Variants in ARHGAP26 observed in about 807,000 individuals in gnomAD.
ARHGAP26 encodes the protein Rho GTPase activating protein 26.
A neutral mutation model predicts 104.8 loss-of-function variants in ARHGAP26; 38 were observed. That is an observed-to-expected ratio of 0.36 (90% CI 0.28 to 0.48). The LOEUF is 0.48. Ranked by LOEUF, ARHGAP26 falls within the 20% of genes least tolerant of loss-of-function variation. ARHGAP26 has a pLI of 0.99. For synonymous variants in ARHGAP26, 341 were observed against 340.0 expected, an observed-to-expected ratio of 1.00 and a Z score of -0.03; for missense variants, 704 against 947.9, an observed-to-expected ratio of 0.74 and a Z score of 3.38.
chr5:143,161,286 A>G (rs992747646), intron 20 of ARHGAP26, among the ~76,000 whole-genome samples: 1 of 152,152 alleles, frequency 6.6e-6, no homozygotes, highest in Admixed American at 6.5e-5. Context: ...TGCAGGGATT[A>G]CAGGCATGAG....
chr5:143,226,027 A>T lies in ARHGAP26; in HGVS notation c.*3581A>T, dbSNP rs976989220. ...GGCAGATGAGGAGAATGAATTGGTT[A>T]TCAGAGTGGAAGACCATGGCCCAGG... On this transcript the variant is annotated 3_prime_UTR_variant, in exon 23 of 23. Transcript: ENST00000645722. The T allele has an allele frequency of 9.4e-6, 2 of 213,892 alleles. No homozygotes were observed. The highest frequency in any genetic ancestry group is 1.9e-5 in the Non-Finnish European group (2 of 105,762). The allele number at this position is 213,892 out of a possible 1,614,324, so 13.2% of individuals were successfully genotyped here.
chr5:142,859,270 C>A (rs1752912501), intron 1 of ARHGAP26, among the ~76,000 whole-genome samples: 1 of 152,112 alleles, frequency 6.6e-6, no homozygotes, highest in South Asian at 2.1e-4. Flanking sequence ...CTCAGGGTAC[C>A]AGTTGGAGGA....
intron 12 of ARHGAP26, among the ~76,000 whole-genome samples, chr5:143,028,664 A>T (rs1781417672): frequency 1.3e-5 from 2 of 152,202 alleles, no homozygotes; most frequent in African/African-American, 4.8e-5. Context: ...TATCCCCATT[A>T]TACAAGCGAG....
At chr5:143,026,477 CAAAG>C (rs1236817431) in intron 12 of ARHGAP26, among the ~76,000 whole-genome samples, 1 of 151,972 alleles carries the variant, frequency 6.6e-6, no homozygotes, top group Non-Finnish European at 1.5e-5. Flanking sequence ...GAAATCTGAA[CAAAG>C]GGAGGGAGGG....
intron 16 of ARHGAP26, 60 bp from the exon 17 acceptor site, chr5:143,057,582 A>C: frequency 7.1e-7 from 1 of 1,416,654 alleles, no homozygotes; most frequent in Non-Finnish European, 9.8e-7. Flanking sequence ...TTAATTTTTC[A>C]ACCTTAAAGT....
intron 3 of ARHGAP26, among the ~76,000 whole-genome samples, chr5:142,876,799 AAAAG>A (rs1344344349): frequency 3.3e-5 from 5 of 151,182 alleles, no homozygotes; most frequent in Non-Finnish European, 5.9e-5. Flanking sequence ...AAAAAAAAAA[AAAAG>A]GATTTCTTTA....
At chr5:142,995,199 A>C (rs181933179) in intron 11 of ARHGAP26, among the ~76,000 whole-genome samples, 8 of 152,380 alleles carry the variant, frequency 5.3e-5, no homozygotes, top group Non-Finnish European at 8.8e-5. Context: ...CCTGCACAGC[A>C]AAAGAAACTA....
chr5:143,052,163 A>T (rs1053221372), intron 14 of ARHGAP26, among the ~76,000 whole-genome samples: 5 of 152,194 alleles, frequency 3.3e-5, no homozygotes, highest in Admixed American at 1.3e-4. Flanking sequence ...ACTGTTCTGT[A>T]GCCCCAGAAA....
rs200372247 is a variant in ARHGAP26, at chr5:142,896,813, TC to T, written c.597+2469del. Among the ~76,000 whole-genome samples the T allele has an allele frequency of 7.2e-3, 1,096 of 152,282 alleles. 8 individuals carry two copies. Among genetic ancestry groups the T allele is most frequent in the Middle Eastern group, 0.034 (10 of 294 alleles). On this transcript the variant is annotated intron_variant, in intron 6 of 22. Coordinates refer to ENST00000645722, the MANE Select transcript of ARHGAP26 (RefSeq NM_001135608.3). Reference sequence around the variant, plus strand: ...CAAGTTATTTCTCTGAGCCTTACTTTCCCCATCTGCAGAATGGGGATAGTAA... The same window carrying T: ...CAAGTTATTTCTCTGAGCCTTACTTTCCCATCTGCAGAATGGGGATAGTAA...
At chr5:143,174,695 A>G (rs1417639672) in intron 20 of ARHGAP26, among the ~76,000 whole-genome samples, 1 of 152,214 alleles carries the variant, frequency 6.6e-6, no homozygotes, top group Non-Finnish European at 1.5e-5. Context: ...CCTCTATCCC[A>G]TGGTTGTGAA....
rs764158418 is a variant in ARHGAP26, at chr5:143,057,711, G to A, written c.1502G>A (p.Arg501Gln). ...SLVHRLPEKN[R>Q]QMLQLLMNHL... The stretch of plus-strand genomic sequence containing the variant: ...GTTCATCGGCTCCCAGAGAAAAATC[G>A]GCAGATGTTACAGCTGCTCATGAAC... Residue 501 changes from arginine (R) to glutamine (Q), a missense_variant, in exon 17 of 23, where the codon CGG becomes CAG. By Grantham distance (43) the Arg-to-Gln change is conservative (BLOSUM62 1). This residue lies in a region of ARHGAP26 where 287 missense variants were observed against 438.8 expected (regional missense o/e 0.65). Coordinates refer to ENST00000645722, the MANE Select transcript of ARHGAP26 (RefSeq NM_001135608.3). 32 of 1,613,658 alleles carry A rather than the reference G, an allele frequency of 2.0e-5. No homozygotes were observed. The highest frequency in any genetic ancestry group is 5.3e-5 in the African/African-American group (4 of 74,840).
chr5:143,047,841 T>G (rs1220856062), intron 14 of ARHGAP26, among the ~76,000 whole-genome samples: 2 of 152,024 alleles, frequency 1.3e-5, no homozygotes, highest in Non-Finnish European at 2.9e-5. Flanking sequence ...TTATTATTAT[T>G]ATTATTCCGC....
intron 10 of ARHGAP26, among the ~76,000 whole-genome samples, chr5:142,928,822 T>C (rs1764291315): frequency 1.3e-5 from 2 of 152,246 alleles, no homozygotes; most frequent in Admixed American, 6.5e-5. Flanking sequence ...TACTGTTCTT[T>C]TATTGTAGAG....
intron 12 of ARHGAP26, among the ~76,000 whole-genome samples, chr5:143,020,882 C>A (rs372665753): frequency 6.6e-6 from 1 of 152,040 alleles, no homozygotes; most frequent in Non-Finnish European, 1.5e-5. Context: ...CCTCATGATC[C>A]GCCCATCTCG....
intron 11 of ARHGAP26, among the ~76,000 whole-genome samples, chr5:142,988,047 T>C (rs905612951): frequency 2.0e-5 from 3 of 152,218 alleles, no homozygotes; most frequent in African/African-American, 7.2e-5. Context: ...TTCTATTGAT[T>C]GGAATGGTTT....
chr5:143,202,850 T>C (rs1291059737), intron 20 of ARHGAP26: 3 of 152,174 alleles, frequency 2.0e-5, no homozygotes, highest in African/African-American at 7.2e-5. Context: ...TAATAAATGC[T>C]GTTGGGAAAA....
In ARHGAP26 at chr5:143,120,977, C is replaced by T. The variant is rs10077444; in HGVS notation, c.1539-11C>T. On this transcript the variant is annotated splice_polypyrimidine_tract_variant and intron_variant, in intron 17 of 22. Transcript: ENST00000645722. ...TGTCTCATTGGTACCTTTTCTTTTC[C>T]TTCCTCCCAGTGTTGCTAACAACCA... The T allele has an allele frequency of 6.9e-4, 1,114 of 1,608,038 alleles. 5 individuals are homozygous for T. The African/African-American group carries it at 0.014, about 20-fold the overall frequency.
chr5:143,179,857 A>G (rs1804048410), intron 20 of ARHGAP26, among the ~76,000 whole-genome samples: 2 of 152,004 alleles, frequency 1.3e-5, no homozygotes, highest in South Asian at 2.1e-4. Flanking sequence ...TCCCCACTCA[A>G]CCCACTGACA....
At chr5:142,958,588 G>A (rs1296911649) in intron 11 of ARHGAP26, among the ~76,000 whole-genome samples, 1 of 152,156 alleles carries the variant, frequency 6.6e-6, no homozygotes, top group African/African-American at 2.4e-5. Flanking sequence ...GATGGCTTGA[G>A]CCCAGGAGGT....
Sources: gnomAD v4.1 joint callset for allele counts (sites outside exome capture counted in the v4.1 genomes callset) on GRCh38, gnomAD v4.1.1 for gene constraint, gnomAD v4.1.1 regional missense constraint, MANE v1.5 for transcripts, NCBI Gene and HGNC (gene_info 2026-07-23, HGNC 2026-07-21) for gene names.